Variants in C19orf47 observed in about 807,000 individuals in gnomAD.
C19orf47 encodes the protein uncharacterized protein C19orf47.
C19orf47 carries 18 observed loss-of-function variants against 32.3 expected under a neutral mutation model. That is an observed-to-expected ratio of 0.56 (90% CI 0.39 to 0.83). C19orf47 has a LOEUF of 0.83. Ranked by LOEUF, C19orf47 falls within the 40% of genes least tolerant of loss-of-function variation. C19orf47 has a pLI of 0.00. For synonymous variants in C19orf47, 202 were observed against 211.1 expected (o/e 0.96, Z 0.37); for missense variants, 484 against 531.6 (o/e 0.91, Z 0.88).
chr19:40,336,012 T>G (rs1600201635), intron 4 of C19orf47, 98 bp downstream of exon 4: 3 of 1,032,636 alleles, frequency 2.9e-6, no homozygotes, highest in East Asian at 2.5e-5. Context: ...GGAACCTGGG[T>G]CGGCCTGCCT....
chr19:40,342,287 A>G (rs2145613735), intron 1 of C19orf47: 1 of 217,830 alleles, frequency 4.6e-6, no homozygotes, highest in Admixed American at 5.5e-5. Flanking sequence ...GGAGTTCAAG[A>G]CCAGCCTGGA....
rs796925572 is a variant in C19orf47, at chr19:40,323,684, C to G, written c.663+322G>C. Among the ~76,000 whole-genome samples, 15 of 152,304 alleles carry G rather than the reference C, an allele frequency of 9.8e-5. No individual in the cohort carries two copies. In the East Asian group the frequency reaches 2.7e-3, roughly 27 times the overall value. On this transcript the variant is annotated intron_variant, in intron 8 of 8. Transcript: ENST00000683109. ...ACAGTAGAGTCATCAGACCCACTGA[C>G]AGACTGCAATGGGGAGGGCAGGCAG...
rs113904450 is a variant in C19orf47, at chr19:40,332,357, GA to G, written c.301+1493del. On this transcript the variant is annotated intron_variant, in intron 5 of 8. Coordinates refer to ENST00000683109, the MANE Select transcript of C19orf47 (RefSeq NM_001256441.2). The stretch of plus-strand genomic sequence containing the variant: ...GCAACACAGCGAGACTATCTCAAGG[GA>G]AAAAAAAAAAGGTCAGGTGCAGTGG... 9.6e-4 allele frequency among the ~76,000 whole-genome samples: 132 copies of G among 137,464 alleles called. 1 individual carries two copies. The highest frequency in any genetic ancestry group is 1.6e-3 in the Non-Finnish European group (102 of 63,672). 90.2% of individuals were successfully genotyped at this position (137,464 alleles called of 152,430 possible). A position where few individuals can be genotyped will look rare whatever the true frequency, so the allele number is the denominator to read the frequency against.
intron 1 of C19orf47, among the ~76,000 whole-genome samples, chr19:40,347,156 G>C (rs1002221007): frequency 3.9e-5 from 6 of 152,140 alleles, no homozygotes; most frequent in African/African-American, 1.4e-4. Context: ...AGTGTACAAT[G>C]TAATGGGCTG....
intron 5 of C19orf47, among the ~76,000 whole-genome samples, chr19:40,329,406 T>C (rs1269195979): frequency 6.6e-6 from 1 of 152,014 alleles, no homozygotes; most frequent in Non-Finnish European, 1.5e-5. Flanking sequence ...CTCAGGAGGC[T>C]GAGGCAAGAG....
chr19:40,308,706 C>T, the C19orf47 span, among the ~76,000 whole-genome samples: 3 of 147,360 alleles, frequency 2.0e-5, no homozygotes, highest in African/African-American at 7.5e-5. Context: ...TCAAGTGATC[C>T]GCCCGCCTCA....
intron 4 of C19orf47, among the ~76,000 whole-genome samples, chr19:40,335,673 G>A (rs113452492): frequency 0.11 from 16,812 of 150,812 alleles, 1,351 homozygotes; most frequent in African/African-American, 0.23. Flanking sequence ...GCAGTGGTGC[G>A]ATCTCGGCTC....
intron 1 of C19orf47, among the ~76,000 whole-genome samples, chr19:40,345,779 G>A (rs2145628484): frequency 6.7e-6 from 1 of 150,126 alleles, no homozygotes; most frequent in South Asian, 2.1e-4. Context: ...GGCGGGGGGG[G>A]GAGAGGTTGC....
chr19:40,308,408 G>A, the C19orf47 span, among the ~76,000 whole-genome samples: 2 of 151,732 alleles, frequency 1.3e-5, no homozygotes, highest in Non-Finnish European at 2.9e-5. Flanking sequence ...GCCCGCCTCA[G>A]CCTCCCAAAG....
chr19:40,341,686 A>T (rs1405668450), intron 2 of C19orf47, 153 bp downstream of exon 2: 4 of 1,071,424 alleles, frequency 3.7e-6, no homozygotes, highest in Non-Finnish European at 5.3e-6. Flanking sequence ...GGCCTCAAGC[A>T]GTTCCAGCCC....
chr19:40,336,928 CAG>C (rs1396468097), intron 2 of C19orf47, among the ~76,000 whole-genome samples: 1 of 152,200 alleles, frequency 6.6e-6, no homozygotes, highest in African/African-American at 2.4e-5. Flanking sequence ...AAACCTCCCT[CAG>C]AGAGAGGCAT....
rs1416802839 is a variant in C19orf47 at position 40,322,358 on chromosome 19, G to T, written c.682C>A (p.Arg228Ser). The T allele has an allele frequency of 6.3e-7, 1 of 1,592,052 alleles. No individual in the cohort carries two copies. The highest frequency in any genetic ancestry group is 1.1e-5 in the South Asian group (1 of 89,544). The change falls in exon 9 of 9, where the codon CGC becomes AGC. Residue 228 changes from arginine to serine, a missense_variant. Transcript: ENST00000683109. ...TCCGTTTCTGGGGTGGCCCCCAGGCGGCTGAAGACTCCTGTGGGCTGTGGA... is the reference window on the plus strand; with the variant it reads ...TCCGTTTCTGGGGTGGCCCCCAGGCTGCTGAAGACTCCTGTGGGCTGTGGA... ...TGSKPTGVFS[R>S]LGATPETDED...
At chr19:40,330,330 AC>A (rs2077924567) in intron 5 of C19orf47, among the ~76,000 whole-genome samples, 1 of 150,622 alleles carries the variant, frequency 6.6e-6, no homozygotes, top group Non-Finnish European at 1.5e-5. Context: ...CCAGGTTCAC[AC>A]CATTCTCGTG....
chr19:40,303,485 T>C, the C19orf47 span, among the ~76,000 whole-genome samples: 1 of 140,074 alleles, frequency 7.1e-6, no homozygotes, highest in Non-Finnish European at 1.5e-5. Flanking sequence ...ATCATACCAC[T>C]GACTCCAGCC....
rs574629038 is a variant in C19orf47 at position 40,343,232 on chromosome 19, C to T, written c.-33-1342G>A. Among the ~76,000 whole-genome samples the T allele has an allele frequency of 3.3e-5, 5 of 152,224 alleles. No individual in the cohort carries two copies. In the South Asian group the frequency reaches 8.3e-4, roughly 25 times the overall value. ...CCCAATACTGATCCTCCCTCACCCC[C>T]GCATGGGGTGCAGAAGCCCTCTGTC... On this transcript the variant is annotated intron_variant, in intron 1 of 8. Coordinates refer to ENST00000683109, the MANE Select transcript of C19orf47 (RefSeq NM_001256441.2).
chr19:40,339,476 A>T (rs1233655616), intron 2 of C19orf47, among the ~76,000 whole-genome samples: 1 of 152,252 alleles, frequency 6.6e-6, no homozygotes, highest in Non-Finnish European at 1.5e-5. Context: ...CATTGACAGC[A>T]GCATTGATAA....
rs756798414 is a variant in C19orf47, at chr19:40,326,328, C to T, written c.592+6G>A. ...GCAGGGAAGCATGCCCCTGATGGGCCAGTACCTTTTGCAGCCTGCTGCTGC... is the reference window on the plus strand; with the variant it reads ...GCAGGGAAGCATGCCCCTGATGGGCTAGTACCTTTTGCAGCCTGCTGCTGC... On this transcript the variant is annotated splice_donor_region_variant and intron_variant, in intron 7 of 8. Coordinates refer to ENST00000683109, the MANE Select transcript of C19orf47 (RefSeq NM_001256441.2). 1.9e-6 allele frequency: 3 copies of T among 1,613,942 alleles called. No homozygotes were observed. In the African/African-American group the frequency reaches 4.0e-5, roughly 22 times the overall value.
chr19:40,306,559 C>T, the C19orf47 span, among the ~76,000 whole-genome samples: 6 of 150,238 alleles, frequency 4.0e-5, no homozygotes, highest in African/African-American at 7.3e-5. Context: ...CCCACCATCA[C>T]GCCCAGCTGA....
Position 40,338,350 on chromosome 19 carries a change from C to T in C19orf47, c.20-1943G>A, listed in dbSNP as rs923029160. ...ATATATATACACAAATATATATATACACACACACACACAAATACATATATA... is the reference window on the plus strand; with the variant it reads ...ATATATATACACAAATATATATATATACACACACACACAAATACATATATA... On this transcript the variant is annotated intron_variant, in intron 2 of 8. Transcript: ENST00000683109. Among the ~76,000 whole-genome samples the T allele has an allele frequency of 2.1e-4, 25 of 117,106 alleles. 1 individual carries two copies. The highest frequency in any genetic ancestry group is 4.3e-4 in the East Asian group (2 of 4,620). 76.8% of individuals were successfully genotyped at this position (117,106 alleles called of 152,430 possible). A position where few individuals can be genotyped will look rare whatever the true frequency, so the allele number is the denominator to read the frequency against.
Sources: gnomAD v4.1 joint callset for allele counts (sites outside exome capture counted in the v4.1 genomes callset) on GRCh38, gnomAD v4.1.1 for gene constraint, MANE v1.5 for transcripts, NCBI Gene and HGNC (gene_info 2026-07-23, HGNC 2026-07-21) for gene names.